ZNF512: variants seen among roughly 807,000 people sequenced by gnomAD.
ZNF512 encodes the protein zinc finger protein 512.
ZNF512 carries 25 observed loss-of-function variants against 77.5 expected under a neutral mutation model. That is an observed-to-expected ratio of 0.32 (90% CI 0.23 to 0.45). The LOEUF (loss-of-function observed/expected upper bound fraction) is 0.45. ZNF512 is among the 20% of genes least tolerant of loss of function. The pLI is 1.00. For missense variants in ZNF512, 483 were observed against 692.6 expected (o/e 0.70, Z 3.40); for synonymous variants, 246 against 239.9 (o/e 1.03, Z -0.24).
chr2:27,602,374 C>T lies in ZNF512; in HGVS notation c.670-89C>T, dbSNP rs1042099297. 9.9e-6 allele frequency: 13 copies of T among 1,318,978 alleles called. No individual in the cohort carries two copies. In the African/African-American group the frequency reaches 1.9e-4, roughly 19 times the overall value. The allele number at this position is 1,318,978 out of a possible 1,614,324, so 81.7% of individuals were successfully genotyped here. Reference sequence around the variant, plus strand: ...CATTGGCACCAGCTTAGCTGCCAGTCCAATCCTTGATTCTCCTCTGATATT... The same window carrying T: ...CATTGGCACCAGCTTAGCTGCCAGTTCAATCCTTGATTCTCCTCTGATATT... On this transcript the variant is annotated intron_variant, in intron 7 of 13. Transcript: ENST00000355467.
At chr2:27,596,156 T>C (rs537778028) in intron 2 of ZNF512, among the ~76,000 whole-genome samples, 1 of 152,336 alleles carries the variant, frequency 6.6e-6, no homozygotes, top group East Asian at 1.9e-4. Flanking sequence ...CTATGTTGAT[T>C]TGAGCTGTCC....
intron 9 of ZNF512, among the ~76,000 whole-genome samples, chr2:27,603,586 G>GTGTGTGTGTGTGTGTGTGTGTGTGTATA (rs140043162): frequency 0.012 from 838 of 72,432 alleles, 20 homozygotes; most frequent in African/African-American, 0.045. Context: ...GTGTGTGTGT[G>GTGTGTGTGTGTGTGTGTGTGTGTGTATA]TATATTTTTT....
chr2:27,616,152 A>G (rs1329619163), intron 11 of ZNF512, 110 bp from the exon 12 acceptor site: 14 of 723,840 alleles, frequency 1.9e-5, no homozygotes, highest in Non-Finnish European at 2.8e-5. Flanking sequence ...TGTGGCACAA[A>G]TTATTGGTTT....
intron 2 of ZNF512, among the ~76,000 whole-genome samples, chr2:27,597,753 AG>A (rs1671937655): frequency 6.6e-6 from 1 of 152,188 alleles, no homozygotes; most frequent in Admixed American, 6.5e-5. Flanking sequence ...AGTCTTCTGA[AG>A]GGTCATAGAA....
At chr2:27,591,099 C>T (rs553071862) in intron 2 of ZNF512, among the ~76,000 whole-genome samples, 10 of 152,094 alleles carry the variant, frequency 6.6e-5, no homozygotes, top group Non-Finnish European at 1.2e-4. Context: ...CGCAGTGGTG[C>T]GGTCATAGCT....
chr2:27,620,820 T>C (rs890590320), intron 13 of ZNF512, among the ~76,000 whole-genome samples: 13 of 152,168 alleles, frequency 8.5e-5, no homozygotes, highest in African/African-American at 3.1e-4. Context: ...GATGCCGTCA[T>C]GGAATAAAAA....
At chr2:27,606,752 C>A (rs1386023122) in intron 9 of ZNF512, among the ~76,000 whole-genome samples, 2 of 152,188 alleles carry the variant, frequency 1.3e-5, no homozygotes, top group East Asian at 3.9e-4. Flanking sequence ...TTCTTTAGGT[C>A]AGAAATCCAG....
chr2:27,600,898 TATAATGGATGAAA>T, intron 6 of ZNF512, 83 bp downstream of exon 6: 1 of 1,502,216 alleles, frequency 6.7e-7, no homozygotes, highest in South Asian at 1.3e-5. Flanking sequence ...ATATGCTGGT[TATAATGGATGAAA>T]AGCAGCATTG....
chr2:27,595,171 T>G (rs1034511338), intron 2 of ZNF512, among the ~76,000 whole-genome samples: 25 of 152,146 alleles, frequency 1.6e-4, no homozygotes, highest in Non-Finnish European at 3.4e-4. Flanking sequence ...AGAGCTGCAT[T>G]AGTATCTTTC....
At position 27,619,226 on chromosome 2, in the gene ZNF512, A is replaced by G. The variant is rs1203655705; in HGVS notation, c.1395+1655A>G. Among the ~76,000 whole-genome samples the G allele has an allele frequency of 1.3e-5, 2 of 152,138 alleles. 1 individual carries two copies. Among genetic ancestry groups the G allele is most frequent in the African/African-American group, 4.8e-5 (2 of 41,430 alleles). On this transcript the variant is annotated intron_variant, in intron 13 of 13. Transcript: ENST00000355467. ...GGAGTTCAAGACCAGCCTGGCCATC[A>G]TGGTGAAACCCCATCTCTACTAAAA...
At chr2:27,606,285 A>ATTTT (rs1672355876) in intron 9 of ZNF512, among the ~76,000 whole-genome samples, 1 of 89,158 alleles carries the variant, frequency 1.1e-5, no homozygotes, top group East Asian at 7.6e-4. Flanking sequence ...ATTTTGATAT[A>ATTTT]GTTTATGTAT....
intron 2 of ZNF512, among the ~76,000 whole-genome samples, chr2:27,587,785 T>A (rs6742639): frequency 6.6e-6 from 1 of 151,830 alleles, no homozygotes; most frequent in African/African-American, 2.4e-5. Flanking sequence ...AGATTCAAGC[T>A]ATTCTTCTGC....
In ZNF512 at chr2:27,587,599, C is replaced by A. The variant is rs547147962; in HGVS notation, c.89+3883C>A. Among the ~76,000 whole-genome samples, 20 of 151,390 alleles carry A rather than the reference C, an allele frequency of 1.3e-4. No homozygotes were observed. In the East Asian group the frequency reaches 2.7e-3, roughly 21 times the overall value. Reference sequence around the variant, plus strand: ...GCCTAATTTGTGGTTTTTAATTCATCATATATGAATAATAATGTTGAGCAT... The same window carrying A: ...GCCTAATTTGTGGTTTTTAATTCATAATATATGAATAATAATGTTGAGCAT... On this transcript the variant is annotated intron_variant, in intron 2 of 13. Coordinates refer to ENST00000355467, the MANE Select transcript of ZNF512 (RefSeq NM_032434.4).
chr2:27,611,944 C>T (rs553454378), intron 10 of ZNF512, among the ~76,000 whole-genome samples: 79 of 152,134 alleles, frequency 5.2e-4, no homozygotes, highest in African/African-American at 1.8e-3. Flanking sequence ...GATCCACCCC[C>T]TAGAGTGCTG....
Position 27,621,187 on chromosome 2 carries a change from G to T in ZNF512, c.1430G>T (p.Ser477Ile). The T allele has an allele frequency of 6.2e-7, 1 of 1,614,084 alleles. No individual in the cohort carries two copies. Among genetic ancestry groups the T allele is most frequent in the Non-Finnish European group, 8.5e-7 (1 of 1,180,016 alleles). Residue 477 changes from serine to isoleucine, a missense_variant, in exon 14 of 14, where the codon AGC becomes ATC. Coordinates refer to ENST00000355467, the MANE Select transcript of ZNF512 (RefSeq NM_032434.4). ...WFVVNPTTTKSFEKLMKIKQR... is the reference protein window; with the variant it reads ...WFVVNPTTTKIFEKLMKIKQR... Reference sequence around the variant, plus strand: ...GTTGTAAACCCAACAACAACCAAAAGCTTTGAAAAGCTGATGAAGATAAAG... The same window carrying T: ...GTTGTAAACCCAACAACAACCAAAATCTTTGAAAAGCTGATGAAGATAAAG...
intron 2 of ZNF512, among the ~76,000 whole-genome samples, chr2:27,587,226 A>G (rs1480894426): frequency 6.7e-6 from 1 of 150,038 alleles, no homozygotes; most frequent in Non-Finnish European, 1.5e-5. Context: ...TAGCTAATTT[A>G]ATGGGTGTGT....
In ZNF512 at chr2:27,598,257, A is replaced by G; in HGVS notation, c.277+3A>G. ...AGCTGCTACTTCTCATGTCGAAGGT[A>G]TCAATATCAGTGTCTTATTCTGAAG... On this transcript the variant is annotated splice_donor_region_variant and intron_variant, in intron 3 of 13. Transcript: ENST00000355467. 2 of 1,610,640 alleles carry G rather than the reference A, an allele frequency of 1.2e-6. No homozygotes were observed. The highest frequency in any genetic ancestry group is 1.7e-6 in the Non-Finnish European group (2 of 1,178,458).
intron 2 of ZNF512, among the ~76,000 whole-genome samples, chr2:27,595,507 A>G (rs753332874): frequency 6.6e-6 from 1 of 151,964 alleles, no homozygotes; most frequent in Non-Finnish European, 1.5e-5. Flanking sequence ...TTGTATTTTT[A>G]GTAGAGACGG....
At chr2:27,602,165 G>A (rs767406385) in intron 7 of ZNF512, among the ~76,000 whole-genome samples, 17 of 152,200 alleles carry the variant, frequency 1.1e-4, no homozygotes, top group Non-Finnish European at 2.4e-4. Context: ...CAAGAAGACC[G>A]TTTTGATAAA....
Sources: gnomAD v4.1 joint callset for allele counts (sites outside exome capture counted in the v4.1 genomes callset) on GRCh38, gnomAD v4.1.1 for gene constraint, MANE v1.5 for transcripts, NCBI Gene and HGNC (gene_info 2026-07-23, HGNC 2026-07-21) for gene names.